Variants in NOVA1 observed in about 807,000 individuals in gnomAD.
The protein encoded by NOVA1 is NOVA alternative splicing regulator 1, also known as RNA-binding protein Nova-1.
Under a neutral mutation model 38.0 loss-of-function variants are expected in NOVA1, and 7 were observed. That is an observed-to-expected ratio of 0.18 (90% confidence interval 0.10 to 0.35). The LOEUF (loss-of-function observed/expected upper bound fraction) is 0.35. NOVA1 is among the 10% of genes least tolerant of loss of function. NOVA1 has a pLI of 1.00. For synonymous variants in NOVA1, 270 were observed against 232.5 expected (o/e 1.16, Z -1.47); for missense variants, 460 against 616.0 (o/e 0.75, Z 2.68).
At chr14:26,523,961 C>T (rs546508821) in intron 2 of NOVA1, among the ~76,000 whole-genome samples, 2 of 152,086 alleles carry the variant, frequency 1.3e-5, no homozygotes, top group African/African-American at 2.4e-5. Context: ...CCGTGTTAGC[C>T]GGGATGGCCT....
chr14:26,480,856 G>A (rs1025187486), intron 2 of NOVA1, among the ~76,000 whole-genome samples: 3 of 151,754 alleles, frequency 2.0e-5, no homozygotes, highest in African/African-American at 7.3e-5. Flanking sequence ...AAGAATATTA[G>A]GACTAAACAT....
intron 4 of NOVA1, among the ~76,000 whole-genome samples, chr14:26,468,627 T>A (rs927804005): frequency 6.6e-6 from 1 of 152,214 alleles, no homozygotes; most frequent in Admixed American, 6.5e-5. Context: ...AATAAGAGAA[T>A]AAGAAAGTCA....
chr14:26,581,067 T>C (rs1162660902), intron 2 of NOVA1, among the ~76,000 whole-genome samples: 5 of 152,082 alleles, frequency 3.3e-5, no homozygotes, highest in Non-Finnish European at 7.4e-5. Context: ...GTACAGATAC[T>C]ACATTACGCA....
intron 2 of NOVA1, among the ~76,000 whole-genome samples, chr14:26,480,415 A>G (rs113779869): frequency 1.3e-5 from 2 of 152,314 alleles, no homozygotes; most frequent in African/African-American, 4.8e-5. Flanking sequence ...TCATTGACAT[A>G]ACAAATACTT....
intron 2 of NOVA1, among the ~76,000 whole-genome samples, chr14:26,525,035 T>C (rs995978230): frequency 6.6e-6 from 1 of 152,200 alleles, no homozygotes; most frequent in African/African-American, 2.4e-5. Flanking sequence ...ATATACTTCT[T>C]GGGAAAGATA....
intron 2 of NOVA1, among the ~76,000 whole-genome samples, chr14:26,531,124 G>A (rs1201997299): frequency 6.6e-6 from 1 of 152,140 alleles, no homozygotes; most frequent in African/African-American, 2.4e-5. Context: ...ACATAAGTCA[G>A]TACTAAATTA....
intron 4 of NOVA1, among the ~76,000 whole-genome samples, chr14:26,461,030 T>C (rs998339056): frequency 4.6e-5 from 7 of 152,178 alleles, no homozygotes; most frequent in African/African-American, 1.7e-4. Context: ...ATGTTCTGTC[T>C]TGAGAACATG....
chr14:26,572,670 A>G (rs1892554366), intron 2 of NOVA1, among the ~76,000 whole-genome samples: 1 of 151,608 alleles, frequency 6.6e-6, no homozygotes, highest in African/African-American at 2.4e-5. Context: ...GTGATCAGCA[A>G]AGACTTCCTG....
chr14:26,466,484 A>AC (rs1350066911), intron 4 of NOVA1, among the ~76,000 whole-genome samples: 1 of 152,218 alleles, frequency 6.6e-6, no homozygotes, highest in Non-Finnish European at 1.5e-5. Flanking sequence ...CCAGAGATAA[A>AC]GGTGAACACA....
At chr14:26,461,000 G>A (rs1883615048) in intron 4 of NOVA1, among the ~76,000 whole-genome samples, 1 of 152,130 alleles carries the variant, frequency 6.6e-6, no homozygotes, top group African/African-American at 2.4e-5. Context: ...AAGTGGTTTG[G>A]TTATATAAAG....
chr14:26,452,940 G>A (rs902125386), intron 4 of NOVA1, among the ~76,000 whole-genome samples: 4 of 152,120 alleles, frequency 2.6e-5, no homozygotes, highest in African/African-American at 9.7e-5. Flanking sequence ...GAGTCTTAAG[G>A]GTGCTGCACA....
intron 2 of NOVA1, among the ~76,000 whole-genome samples, chr14:26,480,594 G>T (rs1384528331): frequency 6.6e-6 from 1 of 151,280 alleles, no homozygotes; most frequent in Admixed American, 6.6e-5. Flanking sequence ...AACATAGATG[G>T]TACAAGTTGT....
chr14:26,513,499 A>G (rs577009870), intron 2 of NOVA1, among the ~76,000 whole-genome samples: 5 of 151,852 alleles, frequency 3.3e-5, no homozygotes, highest in Non-Finnish European at 7.4e-5. Flanking sequence ...AGTATGCAAG[A>G]GAAAATCTGC....
intron 2 of NOVA1, among the ~76,000 whole-genome samples, chr14:26,505,830 A>G: frequency 6.6e-6 from 1 of 152,208 alleles, no homozygotes; most frequent in East Asian, 1.9e-4. Context: ...AACACTGTAA[A>G]TAATTAAAAC....
At chr14:26,501,840 C>A (rs1360872673) in intron 2 of NOVA1, among the ~76,000 whole-genome samples, 2 of 151,798 alleles carry the variant, frequency 1.3e-5, no homozygotes, top group Admixed American at 6.6e-5. Context: ...TCAAAGTGCC[C>A]ATTTACTATG....
intron 2 of NOVA1, among the ~76,000 whole-genome samples, chr14:26,569,600 A>C (rs1378105644): frequency 6.6e-6 from 1 of 152,232 alleles, no homozygotes; most frequent in East Asian, 1.9e-4. Flanking sequence ...TGCTTTATCT[A>C]GAAAATTCTG....
At chr14:26,496,988 G>C (rs910239486) in intron 2 of NOVA1, among the ~76,000 whole-genome samples, 1 of 152,224 alleles carries the variant, frequency 6.6e-6, no homozygotes, top group South Asian at 2.1e-4. Flanking sequence ...CTCTTTTTTG[G>C]TTCCAAATGA....
At chr14:26,462,073 G>C (rs994368870) in intron 4 of NOVA1, among the ~76,000 whole-genome samples, 1 of 151,898 alleles carries the variant, frequency 6.6e-6, no homozygotes, top group Non-Finnish European at 1.5e-5. Context: ...TTGACAAAAA[G>C]ATTTTTTTTT....
chr14:26,495,600 CT>C (rs1158556333), intron 2 of NOVA1, among the ~76,000 whole-genome samples: 1 of 144,024 alleles, frequency 6.9e-6, no homozygotes, highest in Non-Finnish European at 1.5e-5. Flanking sequence ...CACCCACTAA[CT>C]CATCATCTAG....
Sources: gnomAD v4.1 joint callset for allele counts (sites outside exome capture counted in the v4.1 genomes callset) on GRCh38, gnomAD v4.1.1 for gene constraint, MANE v1.5 for transcripts, NCBI Gene and HGNC (gene_info 2026-07-23, HGNC 2026-07-21) for gene names.